The following ZNF250 variants were observed in gnomAD, a reference collection of about 807,000 sequenced individuals.
ZNF250 encodes zinc finger protein (clone 647).
A neutral mutation model predicts 37.1 loss-of-function variants in ZNF250; 13 were observed. The ratio of observed to expected loss-of-function variants is 0.35; its 90% CI spans 0.23 to 0.56. The LOEUF is 0.56. Among genes scored for constraint, ZNF250 ranks in the 20% least tolerant of loss-of-function variants. The pLI is 0.87. For missense variants in ZNF250, 474 were observed against 697.9 expected (o/e 0.68, Z 3.61); for synonymous variants, 251 against 265.6 (o/e 0.94, Z 0.54).
At chr8:144,889,055 A>C (rs1244234007) in intron 4 of ZNF250, among the ~76,000 whole-genome samples, 1 of 152,202 alleles carries the variant, frequency 6.6e-6, no homozygotes, top group Non-Finnish European at 1.5e-5. Flanking sequence ...GGCTTGAGCC[A>C]CCACGCCTGG....
Position 144,897,832 on chromosome 8 carries a change from C to T in ZNF250, c.-55+3567G>A, listed in dbSNP as rs1414210371. Among the ~76,000 whole-genome samples, 4 of 152,232 alleles carry T rather than the reference C, an allele frequency of 2.6e-5. No individual in the cohort carries two copies. The highest frequency in any genetic ancestry group is 2.6e-4 in the Admixed American group (4 of 15,288). ...TAAAGGAATAGGTTGGGCTAGTTAA[C>T]TGTAGCAGGAGCATGTCCTTAAGGC... On this transcript the variant is annotated intron_variant, in intron 1 of 5. Transcript: ENST00000417550. The surrounding 1 kb of genome is among the most constrained non-coding windows in gnomAD (Gnocchi z 5.2).
chr8:144,883,703 G>A (rs1831667297), intron 5 of ZNF250, among the ~76,000 whole-genome samples: 1 of 152,088 alleles, frequency 6.6e-6, no homozygotes, highest in African/African-American at 2.4e-5. Context: ...GGACAAGACT[G>A]AAGGTGCAGA....
chr8:144,898,779 A>G (rs1454833336), intron 1 of ZNF250, among the ~76,000 whole-genome samples: 1 of 152,248 alleles, frequency 6.6e-6, no homozygotes, highest in East Asian at 1.9e-4. Flanking sequence ...CAGGTAAATG[A>G]TCTGAGTAAT....
In ZNF250 at chr8:144,880,523, G is replaced by A. The variant is rs929402633; in HGVS notation, c.*992C>T. 2.2e-5 allele frequency: 10 copies of A among 456,530 alleles called. No homozygotes were observed. In the Middle Eastern group the frequency reaches 2.0e-3, roughly 89 times the overall value. 28.3% of individuals were successfully genotyped at this position (456,530 alleles called of 1,614,324 possible). Reference sequence around the variant, plus strand: ...TTTTGAGTTGAATTTTTACTAAAAAGTTAGCATAACCTTTCTGATCTTGAA... The same window carrying A: ...TTTTGAGTTGAATTTTTACTAAAAAATTAGCATAACCTTTCTGATCTTGAA... On this transcript the variant is annotated 3_prime_UTR_variant, in exon 6 of 6. Transcript: ENST00000417550.
rs371589864 is a variant in ZNF250 at position 144,891,545 on chromosome 8, G to A, written c.-54-1142C>T. Among the ~76,000 whole-genome samples, 9 of 151,998 alleles carry A rather than the reference G, an allele frequency of 5.9e-5. No individual in the cohort carries two copies. In the East Asian group the frequency reaches 1.2e-3, roughly 20 times the overall value. ...AGCCTGGCCAACATGGTGAAACCCC[G>A]TCTCTACTAAAAATACAAAAATCAG... is the stretch of plus-strand genomic sequence containing the variant. On this transcript the variant is annotated intron_variant, in intron 1 of 5. Coordinates refer to ENST00000417550, the MANE Select transcript of ZNF250 (RefSeq NM_001109689.4). The surrounding 1 kb of genome is among the most constrained non-coding windows in gnomAD (Gnocchi z 4.0).
At position 144,884,697 on chromosome 8, in the gene ZNF250, AT is replaced by A. The variant is rs568157518; in HGVS notation, c.347-1862del. On this transcript the variant is annotated intron_variant, in intron 5 of 5. Transcript: ENST00000417550. ...GTGAACATAGGAATTCATGTTTTCGATTTTTTTTTTCATTTTTTTTACCTCC... is the reference window on the plus strand; with the variant it reads ...GTGAACATAGGAATTCATGTTTTCGATTTTTTTTTCATTTTTTTTACCTCC... 1.6e-3 allele frequency among the ~76,000 whole-genome samples: 233 copies of A among 149,606 alleles called. 1 individual carries two copies. The highest frequency in any genetic ancestry group is 2.9e-3 in the Non-Finnish European group (197 of 67,212).
Position 144,890,448 on chromosome 8 carries a change from G to A in ZNF250, c.-54-45C>T, listed in dbSNP as rs935699632. 17 of 1,247,240 alleles carry A rather than the reference G, an allele frequency of 1.4e-5. No homozygotes were observed. The highest frequency in any genetic ancestry group is 2.6e-5 in the East Asian group (1 of 38,288). 77.3% of individuals were successfully genotyped at this position (1,247,240 alleles called of 1,614,324 possible). On this transcript the variant is annotated intron_variant, in intron 1 of 5. Coordinates refer to ENST00000417550, the MANE Select transcript of ZNF250 (RefSeq NM_001109689.4). This position sits in a 1 kb window ranked among gnomAD's most constrained non-coding sequence, Gnocchi z 5.1. ...AAGTGAGGGGCATGGCCTTGAGACC[G>A]TAACTTCCTAGGGGGCCCTCAGGGG...
chr8:144,901,642 G>A (rs1003422711), upstream of ZNF250: 5 of 152,590 alleles, frequency 3.3e-5, no homozygotes, highest in African/African-American at 1.2e-4. This position sits in a 1 kb window ranked among gnomAD's most constrained non-coding sequence, Gnocchi z 5.4. Flanking sequence ...CCGAGAGCCA[G>A]ACCTCCGCGA....
chr8:144,885,230 C>T (rs2129725898), intron 5 of ZNF250, among the ~76,000 whole-genome samples: 1 of 152,298 alleles, frequency 6.6e-6, no homozygotes, highest in South Asian at 2.1e-4. Context: ...AGCGATTCTC[C>T]TGCCTCAGCC....
intron 1 of ZNF250, among the ~76,000 whole-genome samples, chr8:144,896,464 A>C (rs1181231987): frequency 1.3e-5 from 2 of 152,228 alleles, no homozygotes; most frequent in Admixed American, 1.3e-4. Context: ...TAAAGGTTTC[A>C]GTTTCCTGGA....
At chr8:144,892,862 A>ATTTTT (rs34744587) in intron 1 of ZNF250, among the ~76,000 whole-genome samples, 3 of 135,152 alleles carry the variant, frequency 2.2e-5, no homozygotes, top group Middle Eastern at 4.1e-3. Flanking sequence ...CCAGCCACCA[A>ATTTTT]TTTTTTTTTT....
At position 144,891,320 on chromosome 8, in the gene ZNF250, C is replaced by T. The variant is rs1038524713; in HGVS notation, c.-54-917G>A. Among the ~76,000 whole-genome samples, 3 of 152,256 alleles carry T rather than the reference C, an allele frequency of 2.0e-5. No homozygotes were observed. The highest frequency in any genetic ancestry group is 1.9e-4 in the East Asian group (1 of 5,176). On this transcript the variant is annotated intron_variant, in intron 1 of 5. Coordinates refer to ENST00000417550, the MANE Select transcript of ZNF250 (RefSeq NM_001109689.4). This position sits in a 1 kb window ranked among gnomAD's most constrained non-coding sequence, Gnocchi z 4.0. The stretch of plus-strand genomic sequence containing the variant: ...GCAACCAATCCCCTCACATGCTTGG[C>T]TCAGATGGGCACCACAACAAACAGG...
In ZNF250 at chr8:144,890,405, T is replaced by G; in HGVS notation, c.-54-2A>C. ...CGGAAATTGAAGGAGCCTATGGGGCTGAGGAAGAGGAGGGGGCAAGTGAGG... is the reference window on the plus strand; with the variant it reads ...CGGAAATTGAAGGAGCCTATGGGGCGGAGGAAGAGGAGGGGGCAAGTGAGG... On this transcript the variant is annotated splice_acceptor_variant, in intron 1 of 5. Coordinates refer to ENST00000417550, the MANE Select transcript of ZNF250 (RefSeq NM_001109689.4). LOFTEE classifies it low-confidence loss of function (5UTR_SPLICE). This position sits in a 1 kb window ranked among gnomAD's most constrained non-coding sequence, Gnocchi z 5.1. 1 of 1,420,774 alleles carries G rather than the reference T, an allele frequency of 7.0e-7. No individual in the cohort carries two copies. Among genetic ancestry groups the G allele is most frequent in the Non-Finnish European group, 9.2e-7 (1 of 1,081,672 alleles). The allele number at this position is 1,420,774 out of a possible 1,614,324, so 88.0% of individuals were successfully genotyped here.
rs1484508188 is a variant in ZNF250, at chr8:144,891,801, G to A, written c.-54-1398C>T. On this transcript the variant is annotated intron_variant, in intron 1 of 5. Transcript: ENST00000417550. The surrounding 1 kb of genome is among the most constrained non-coding windows in gnomAD (Gnocchi z 4.0). ...CAGGAGGTGGAGGATGCGATGAGCC[G>A]AGATCATGCCATTGCACTCCAGCCT... 1.3e-5 allele frequency among the ~76,000 whole-genome samples: 2 copies of A among 152,110 alleles called. No individual in the cohort carries two copies. Among genetic ancestry groups the A allele is most frequent in the Non-Finnish European group, 2.9e-5 (2 of 68,012 alleles).
At chr8:144,884,140 G>A (rs551743694) in intron 5 of ZNF250, among the ~76,000 whole-genome samples, 52 of 152,304 alleles carry the variant, frequency 3.4e-4, no homozygotes, top group African/African-American at 1.1e-3. Flanking sequence ...TTTCCCGTCA[G>A]CATTATGTTT....
At chr8:144,900,420 C>T (rs994827109) in intron 1 of ZNF250, among the ~76,000 whole-genome samples, 1 of 152,168 alleles carries the variant, frequency 6.6e-6, no homozygotes, top group Non-Finnish European at 1.5e-5. Context: ...GGTGTGCGTG[C>T]GTGCCTAAAG....
chr8:144,898,263 C>T (rs891393223), intron 1 of ZNF250, among the ~76,000 whole-genome samples: 1 of 152,040 alleles, frequency 6.6e-6, no homozygotes, highest in Non-Finnish European at 1.5e-5. Flanking sequence ...CGCCATTGCA[C>T]TCCAGCCTGG....
intron 1 of ZNF250, among the ~76,000 whole-genome samples, chr8:144,894,300 G>T (rs994829549): frequency 1.3e-5 from 2 of 151,886 alleles, no homozygotes; most frequent in African/African-American, 4.8e-5. Context: ...TCCCAGCACC[G>T]TCTGTCTGCC....
At chr8:144,886,451 GC>G (rs1170054119) in intron 5 of ZNF250, among the ~76,000 whole-genome samples, 3 of 152,216 alleles carry the variant, frequency 2.0e-5, no homozygotes, top group African/African-American at 7.2e-5. Context: ...GGCCAAACTT[GC>G]CTGCACCTTG....
Sources: allele counts gnomAD v4.1 joint callset (sites outside exome capture counted in the v4.1 genomes callset), GRCh38; gene constraint gnomAD v4.1.1; non-coding constraint Gnocchi (gnomAD v3.1); transcripts MANE v1.5; gene names NCBI Gene and HGNC (gene_info 2026-07-23, HGNC 2026-07-21).